The following WDR87 variants were observed in gnomAD, a reference collection of about 807,000 sequenced individuals.
The protein encoded by WDR87 is WD repeat-containing protein 87.
A neutral mutation model predicts 83.3 loss-of-function variants in WDR87; 56 were observed. The observed-to-expected ratio is 0.67, with a 90% CI of 0.54 to 0.84. The LOEUF (loss-of-function observed/expected upper bound fraction) is 0.84. Among genes scored for constraint, WDR87 ranks in the 40% least tolerant of loss-of-function variants. The pLI is 0.00. For missense variants in WDR87, 2,939 were observed against 3,431.9 expected (o/e 0.86, Z 3.59); for synonymous variants, 1,173 against 1,250.6 (o/e 0.94, Z 1.31).
chr19:37,886,368 T>C lies in WDR87; in HGVS notation c.7303A>G (p.Thr2435Ala), dbSNP rs939248466. The C allele has an allele frequency of 2.6e-6, 4 of 1,548,890 alleles. No individual in the cohort carries two copies. The highest frequency in any genetic ancestry group is 2.6e-6 in the Non-Finnish European group (3 of 1,146,404). ...GTTTTCTCTTTCATCTCCAGAGCTG[T>C]TGACATCAGTTTCTTCAAAGGGCTT... Reference protein sequence around the residue: ...LKSPLKKLMSTALEMKEKTPV... With the variant: ...LKSPLKKLMSAALEMKEKTPV... Residue 2435 changes from threonine to alanine, a missense_variant, in exon 6 of 6, where the codon ACA becomes GCA. Coordinates refer to ENST00000447313, the MANE Select transcript of WDR87 (RefSeq NM_001291088.2).
Position 37,893,476 on chromosome 19 carries a change from C to T in WDR87, c.2227G>A (p.Asp743Asn). 1 of 1,551,956 alleles carries T rather than the reference C, an allele frequency of 6.4e-7. No individual in the cohort carries two copies. The highest frequency in any genetic ancestry group is 8.7e-7 in the Non-Finnish European group (1 of 1,147,056). ...TCTATCACATGTGGCACAGAATGGT[C>T]AAAGGCAATGGCCCGGTTGTTGACA... ...KLVNNRAIAF[D>N]HSVPHVIEED... The change falls in exon 4 of 6, where the codon GAC becomes AAC. Residue 743 changes from aspartate (D) to asparagine (N), a missense_variant. Around this residue, in one of 3 missense-constraint regions of WDR87, gnomAD observed 2,160 missense variants for 2,533.1 expected, o/e 0.85. Coordinates refer to ENST00000447313, the MANE Select transcript of WDR87 (RefSeq NM_001291088.2).
At position 37,888,671 on chromosome 19, in the gene WDR87, C is replaced by T. The variant is rs1284816047; in HGVS notation, c.5000G>A (p.Arg1667Lys). 6.4e-7 allele frequency: 1 copy of T among 1,551,516 alleles called. No individual in the cohort carries two copies. Among genetic ancestry groups the T allele is most frequent in the South Asian group, 1.2e-5 (1 of 84,004 alleles). ...QAYVKITQDD[R>K]EMAQAEGKFA... ...CTTACCCTCTGCCTGGGCCATTTCC[C>T]TGTCATCCTGGGTTATTTTCACGTA... Residue 1667 changes from arginine (R) to lysine (K), a missense_variant, in exon 6 of 6, where the codon AGG becomes AAG. Arg to Lys is a conservative substitution (Grantham distance 26, BLOSUM62 2). Coordinates refer to ENST00000447313, the MANE Select transcript of WDR87 (RefSeq NM_001291088.2).
intron 2 of WDR87, among the ~76,000 whole-genome samples, chr19:37,897,457 ACCTCGCC>A: frequency 6.6e-6 from 1 of 151,572 alleles, no homozygotes; most frequent in South Asian, 2.1e-4. Flanking sequence ...TGATCTGCCT[ACCTCGCC>A]CTGGCAAAGT....
Position 37,894,181 on chromosome 19 carries a change from C to T in WDR87, c.1522G>A (p.Ala508Thr), listed in dbSNP as rs1193470291. Residue 508 changes from alanine (A) to threonine (T), a missense_variant, in exon 4 of 6, where the codon GCA becomes ACA. By Grantham distance (58) the Ala-to-Thr change is moderately conservative. This residue lies in a region of WDR87 where 553 missense variants were observed against 577.9 expected (regional missense o/e 0.96). Coordinates refer to ENST00000447313, the MANE Select transcript of WDR87 (RefSeq NM_001291088.2). Reference sequence around the variant, plus strand: ...ATCCCTCCAGACAGCGTGGAGAGTGCCAGTACAGCGCCAAAGTGCATGAAT... The same window carrying T: ...ATCCCTCCAGACAGCGTGGAGAGTGTCAGTACAGCGCCAAAGTGCATGAAT... ...EKFMHFGAVL[A>T]LSTLSGGIFG... The T allele has an allele frequency of 6.4e-7, 1 of 1,552,266 alleles. No individual in the cohort carries two copies. The highest frequency in any genetic ancestry group is 8.7e-7 in the Non-Finnish European group (1 of 1,147,144).
Position 37,885,859 on chromosome 19 carries a change from C to A in WDR87, c.7812G>T (p.Leu2604=). 1 of 1,552,088 alleles carries A rather than the reference C, an allele frequency of 6.4e-7. No individual in the cohort carries two copies. The highest frequency in any genetic ancestry group is 8.7e-7 in the Non-Finnish European group (1 of 1,147,074). ...DLASKGNLEW[L]HLAKHEAIVY... ...CAATGGCTTCATGTTTGGCCAGATG[C>A]AGCCATTCTAAGTTTCCCTTTGAGG... Residue 2604 remains leucine (L), a synonymous_variant, in exon 6 of 6, where the codon CTG becomes CTT. Transcript: ENST00000447313.
rs1449116015 is a variant in WDR87, at chr19:37,894,291, C to T, written c.1412G>A (p.Arg471Gln). 25 of 1,551,626 alleles carry T rather than the reference C, an allele frequency of 1.6e-5. No individual in the cohort carries two copies. Among genetic ancestry groups the T allele is most frequent in the Admixed American group, 2.0e-5 (1 of 50,978 alleles). The stretch of plus-strand genomic sequence containing the variant: ...AGAGAATATCAGTCCCTCTAGACCC[C>T]GCCCCAAGTTGAAATGCCCATAAGC... ...CLAYGHFNLG[R>Q]GLEGLIFSGH... is the part of the protein sequence containing the mutation. Residue 471 changes from arginine to glutamine, a missense_variant, in exon 4 of 6, where the codon CGG becomes CAG. Coordinates refer to ENST00000447313, the MANE Select transcript of WDR87 (RefSeq NM_001291088.2).
In WDR87 at chr19:37,888,811, T is replaced by G. The variant is rs2046176187; in HGVS notation, c.4860A>C (p.Arg1620=). 6.4e-7 allele frequency: 1 copy of G among 1,551,646 alleles called. No homozygotes were observed. The highest frequency in any genetic ancestry group is 1.4e-5 in the African/African-American group (1 of 72,996). ...EHKWARIHRK[R]ARAEKKRAQE... ...GGGCTCGTTTTTTTTCAGCTCGGGC[T>G]CGTTTCCTGTGTATTCTGGCCCATT... Residue 1620 remains arginine, a synonymous_variant, in exon 6 of 6, where the codon CGA becomes CGC. Transcript: ENST00000447313.
At position 37,890,079 on chromosome 19, in the gene WDR87, CTT is replaced by C. The variant is rs1186954004; in HGVS notation, c.3590_3591del (p.Lys1197ArgfsTer19). On this transcript the variant is annotated frameshift_variant, in exon 6 of 6. Coordinates refer to ENST00000447313, the MANE Select transcript of WDR87 (RefSeq NM_001291088.2). LOFTEE classifies it low-confidence loss of function (END_TRUNC). ...KLSKDVDSQEKDISKDHIALT... is the reference protein window; with the variant it reads ...KLSKDVDSQEXDISKDHIALT... Reference sequence around the variant, plus strand: ...AATGCAATGTGATCCTTCGAGATATCTTTCTCTTGAGAATCAACATCTTTTGA... The same window carrying C: ...AATGCAATGTGATCCTTCGAGATATCTCTCTTGAGAATCAACATCTTTTGA... The C allele has an allele frequency of 6.4e-7, 1 of 1,551,806 alleles. No individual in the cohort carries two copies. The highest frequency in any genetic ancestry group is 8.7e-7 in the Non-Finnish European group (1 of 1,146,980).
In WDR87 at chr19:37,889,264, T is replaced by C; in HGVS notation, c.4407A>G (p.Glu1469=). ...CCTCTAGTGTGGCCATTTCCTCCAC[T>C]TCCTCACTCATATCCCTCTCTTCTT... ...MTKEERDMSE[E]VEEMATLEEK... is the part of the protein sequence containing the mutation. Residue 1469 remains glutamate (E), a synonymous_variant, in exon 6 of 6, where the codon GAA becomes GAG. Transcript: ENST00000447313. 1 of 1,551,986 alleles carries C rather than the reference T, an allele frequency of 6.4e-7. No homozygotes were observed.
Position 37,893,877 on chromosome 19 carries a change from A to G in WDR87, c.1826T>C (p.Ile609Thr). The change falls in exon 4 of 6, where the codon ATC becomes ACC. Residue 609 changes from isoleucine to threonine, a missense_variant. Ile to Thr is a moderately conservative substitution (Grantham distance 89, BLOSUM62 -1). Transcript: ENST00000447313. ...IETLPLHLCA[I>T]TSFDVCLSLS... Reference sequence around the variant, plus strand: ...GGAGAGGCAGACATCAAAGGATGTGATGGCACACAGGTGCAGAGGCAGTGT... The same window carrying G: ...GGAGAGGCAGACATCAAAGGATGTGGTGGCACACAGGTGCAGAGGCAGTGT... 1 of 1,551,992 alleles carries G rather than the reference A, an allele frequency of 6.4e-7. No individual in the cohort carries two copies. The highest frequency in any genetic ancestry group is 8.7e-7 in the Non-Finnish European group (1 of 1,147,058).
rs1043720231 is a variant in WDR87, at chr19:37,893,458, C to A, written c.2245G>T (p.Val749Leu). 42 of 1,551,940 alleles carry A rather than the reference C, an allele frequency of 2.7e-5. No individual in the cohort carries two copies. Among genetic ancestry groups the A allele is most frequent in the Middle Eastern group, 1.7e-4 (1 of 6,016 alleles). The change falls in exon 4 of 6, where the codon GTG becomes TTG. Residue 749 changes from valine (V) to leucine (L), a missense_variant. By Grantham distance (32) the Val-to-Leu change is conservative. This residue lies in a region of WDR87 where 2,160 missense variants were observed against 2,533.1 expected (regional missense o/e 0.85). Transcript: ENST00000447313. The stretch of plus-strand genomic sequence containing the variant: ...CTCCCTTCCTCATCTTCTTCTATCA[C>A]ATGTGGCACAGAATGGTCAAAGGCA... ...AIAFDHSVPH[V>L]IEEDEEGSPV...
At position 37,892,830 on chromosome 19, in the gene WDR87, C is replaced by T. The variant is rs756783827; in HGVS notation, c.2873G>A (p.Arg958His). The T allele has an allele frequency of 1.4e-4, 220 of 1,551,662 alleles. No homozygotes were observed. Among genetic ancestry groups the T allele is most frequent in the Non-Finnish European group, 1.7e-4 (199 of 1,147,010 alleles). ...FASYQVSPAL[R>H]SETARRLLND... Reference sequence around the variant, plus strand: ...CAGTAGCCGACGGGCTGTCTCAGAGCGTAGGGCTGGGGACACCTGGTAAGA... The same window carrying T: ...CAGTAGCCGACGGGCTGTCTCAGAGTGTAGGGCTGGGGACACCTGGTAAGA... Residue 958 changes from arginine (R) to histidine (H), a missense_variant, in exon 4 of 6, where the codon CGC (arginine) becomes CAC (histidine). By Grantham distance (29) the Arg-to-His change is conservative (BLOSUM62 0). This residue lies in a region of WDR87 where 2,160 missense variants were observed against 2,533.1 expected (regional missense o/e 0.85). Transcript: ENST00000447313.
rs2046176554 is a variant in WDR87, at chr19:37,888,836, T to G, written c.4835A>C (p.Lys1612Thr). Reference sequence around the variant, plus strand: ...TCGTTTCCTGTGTATTCTGGCCCATTTGTGTTCTTCTTGGATGTGTCTCTG... The same window carrying G: ...TCGTTTCCTGTGTATTCTGGCCCATGTGTGTTCTTCTTGGATGTGTCTCTG... ...EEQRHIQEEH[K>T]WARIHRKRAR... The change falls in exon 6 of 6, where the codon AAA becomes ACA. Residue 1612 changes from lysine to threonine, a missense_variant. Physicochemically the swap from Lys to Thr is moderately conservative, Grantham distance 78. Coordinates refer to ENST00000447313, the MANE Select transcript of WDR87 (RefSeq NM_001291088.2). 1 of 1,551,952 alleles carries G rather than the reference T, an allele frequency of 6.4e-7. No individual in the cohort carries two copies. Among genetic ancestry groups the G allele is most frequent in the Non-Finnish European group, 8.7e-7 (1 of 1,147,042 alleles).
At position 37,893,607 on chromosome 19, in the gene WDR87, G is replaced by A; in HGVS notation, c.2096C>T (p.Pro699Leu). The change falls in exon 4 of 6, where the codon CCT (proline) becomes CTT (leucine). Residue 699 changes from proline to leucine, a missense_variant. This residue lies in a region of WDR87 where 553 missense variants were observed against 577.9 expected (regional missense o/e 0.96). Transcript: ENST00000447313. ...GAAGAAGCTTGGTATGAAAGGCTTA[G>A]GGACTTCCAGTACTTCATCTGATAT... ...MSISDEVLEVPKPFIPSFFFS... is the reference protein window; with the variant it reads ...MSISDEVLEVLKPFIPSFFFS... The A allele has an allele frequency of 2.6e-6, 4 of 1,552,084 alleles. No homozygotes were observed. The highest frequency in any genetic ancestry group is 3.5e-6 in the Non-Finnish European group (4 of 1,147,086).
chr19:37,885,680 G>A lies in WDR87; in HGVS notation c.7991C>T (p.Pro2664Leu), dbSNP rs757145397. The A allele has an allele frequency of 7.1e-6, 11 of 1,551,632 alleles. No homozygotes were observed. In the South Asian group the frequency reaches 1.3e-4, roughly 18 times the overall value. ...GTCTGGAATCCTCTTGGTAGCTAAT[G>A]GGGACTTTTGTGTGGGGACAGCCAA... is the stretch of plus-strand genomic sequence containing the variant. ...KPLAVPTQKS[P>L]LATKRIPDPR... The change falls in exon 6 of 6, where the codon CCA becomes CTA. Residue 2664 changes from proline to leucine, a missense_variant. Physicochemically the swap from Pro to Leu is moderately conservative, Grantham distance 98. This residue lies in a region of WDR87 where 2,160 missense variants were observed against 2,533.1 expected (regional missense o/e 0.85). Coordinates refer to ENST00000447313, the MANE Select transcript of WDR87 (RefSeq NM_001291088.2).
Position 37,892,679 on chromosome 19 carries a change from T to C in WDR87, c.3024A>G (p.Arg1008=), listed in dbSNP as rs776294107. The C allele has an allele frequency of 3.2e-6, 5 of 1,551,814 alleles. No homozygotes were observed. The South Asian group carries it at 5.9e-5, about 18-fold the overall frequency. The change falls in exon 4 of 6, where the codon AGA becomes AGG. Residue 1008 remains arginine (R), a synonymous_variant. Coordinates refer to ENST00000447313, the MANE Select transcript of WDR87 (RefSeq NM_001291088.2). The stretch of plus-strand genomic sequence containing the variant: ...TGAGGCTTAGGGTCTTGATCCTCAC[T>C]CTTTCATCCTTGTCCATTAATCCTT... ...LAQGLMDKDE[R]VRIKTLSLMA... is the part of the protein sequence containing the mutation.
chr19:37,889,674 A>G lies in WDR87; in HGVS notation c.3997T>C (p.Leu1333=), dbSNP rs1316380452. ...AGCAGAACCTTACTTTCTTTCTTCA[A>G]TAGGGGGCAGATCTCCTGAAAGAGT... ...WELFQEICPL[L]KKESKVLLED... Residue 1333 remains leucine, a synonymous_variant, in exon 6 of 6, where the codon TTG becomes CTG. Transcript: ENST00000447313. 8 of 1,551,646 alleles carry G rather than the reference A, an allele frequency of 5.2e-6. No individual in the cohort carries two copies. Among genetic ancestry groups the G allele is most frequent in the African/African-American group, 1.4e-5 (1 of 73,026 alleles).
chr19:37,900,827 T>C (rs1212563996), intron 1 of WDR87, among the ~76,000 whole-genome samples: 1 of 152,006 alleles, frequency 6.6e-6, no homozygotes, highest in African/African-American at 2.4e-5. Flanking sequence ...TTTCAGGCTC[T>C]AGTTGATCTG....
chr19:37,887,250 T>C lies in WDR87; in HGVS notation c.6421A>G (p.Arg2141Gly). The change falls in exon 6 of 6, where the codon AGG (arginine) becomes GGG (glycine). Residue 2141 changes from arginine to glycine, a missense_variant. Arg to Gly is a moderately radical substitution (Grantham distance 125). Coordinates refer to ENST00000447313, the MANE Select transcript of WDR87 (RefSeq NM_001291088.2). Reference protein sequence around the residue: ...QEEIKMTKMKRALFVKERRLS... With the variant: ...QEEIKMTKMKGALFVKERRLS... ...CTGCGCTCCTTAACAAAGAGTGCCC[T>C]CTTCATCTTTGTCATTTTTATTTCT... 6.4e-7 allele frequency: 1 copy of C among 1,551,618 alleles called. No homozygotes were observed. The highest frequency in any genetic ancestry group is 8.7e-7 in the Non-Finnish European group (1 of 1,146,950).
Sources: allele counts gnomAD v4.1 joint callset (sites outside exome capture counted in the v4.1 genomes callset), GRCh38; gene constraint gnomAD v4.1.1; regional missense constraint gnomAD v4.1.1; transcripts MANE v1.5; gene names NCBI Gene and HGNC (gene_info 2026-07-23, HGNC 2026-07-21).